DLEC1: variants seen among roughly 807,000 people sequenced by gnomAD.
DLEC1 encodes deleted in lung and esophageal cancer protein 1.
DLEC1 carries 146 observed loss-of-function variants against 198.1 expected under a neutral mutation model. The observed-to-expected ratio is 0.74, with a 90% CI of 0.64 to 0.85. The LOEUF (loss-of-function observed/expected upper bound fraction) is 0.85, where lower values mean the gene tolerates loss of function less well. Ranked by LOEUF, DLEC1 falls within the 40% of genes least tolerant of loss-of-function variation. The pLI is 0.00. For synonymous variants in DLEC1, 897 were observed against 866.8 expected (o/e 1.03, Z -0.61); for missense variants, 2,233 against 2,220.0 (o/e 1.01, Z -0.12).
chr3:38,081,864 C>T (rs1241738788), intron 6 of DLEC1, among the ~76,000 whole-genome samples: 5 of 144,472 alleles, frequency 3.5e-5, no homozygotes, highest in Admixed American at 6.7e-5. Context: ...ACCTCCCTCC[C>T]GGATGGGGCG....
At chr3:38,088,661 A>G (rs1270772065) in intron 10 of DLEC1, among the ~76,000 whole-genome samples, 1 of 152,114 alleles carries the variant, frequency 6.6e-6, no homozygotes, top group South Asian at 2.1e-4. Flanking sequence ...ACCTCCACCA[A>G]TGTCCAAGCT....
chr3:38,067,597 G>A (rs1328615122), intron 6 of DLEC1, among the ~76,000 whole-genome samples: 1 of 152,122 alleles, frequency 6.6e-6, no homozygotes, highest in African/African-American at 2.4e-5. Flanking sequence ...TAAAAGTTGG[G>A]GTTGATGCTG....
chr3:38,122,606 AG>A lies in DLEC1; in HGVS notation c.*196del. Reference sequence around the variant, plus strand: ...TGATATGTCCTCAGAGCTAACATAAAGGACAGGCCACACCACAGCAGAGACC... The same window carrying A: ...TGATATGTCCTCAGAGCTAACATAAAGACAGGCCACACCACAGCAGAGACC... On this transcript the variant is annotated 3_prime_UTR_variant, in exon 37 of 37. Transcript: ENST00000308059. The A allele has an allele frequency of 7.0e-6, 11 of 1,567,194 alleles. No individual in the cohort carries two copies. Among genetic ancestry groups the A allele is most frequent in the Non-Finnish European group, 8.6e-6 (10 of 1,160,562 alleles).
chr3:38,063,930 T>G lies in DLEC1; in HGVS notation c.1173+11T>G, dbSNP rs1174564373. The G allele has an allele frequency of 6.3e-7, 1 of 1,598,462 alleles. No homozygotes were observed. Among genetic ancestry groups the G allele is most frequent in the Non-Finnish European group, 8.6e-7 (1 of 1,167,154 alleles). ...GGTCCAGTTTATGAGGTAGACATCT[T>G]GTTTCTTTACAGCTCCCACCCCATC... On this transcript the variant is annotated intron_variant, in intron 6 of 36. Coordinates refer to ENST00000308059, the MANE Select transcript of DLEC1 (RefSeq NM_007335.4).
Position 38,096,673 on chromosome 3 carries a change from A to C in DLEC1, c.2276A>C (p.Glu759Ala). The change falls in exon 15 of 37, where the codon GAG becomes GCG. Residue 759 changes from glutamate to alanine, a missense_variant. Physicochemically the swap from Glu to Ala is moderately radical, Grantham distance 107. Transcript: ENST00000308059. ...GTAGAACCTTTCCAGGTTCTCTTAG[A>C]GCCATATGCCCTCATCATCCCAGGG... ...GSVEPFQVLL[E>A]PYALIIPGEN... is the part of the protein sequence containing the mutation. 1 of 1,613,528 alleles carries C rather than the reference A, an allele frequency of 6.2e-7. No homozygotes were observed.
At chr3:38,103,047 T>A (rs1017146634) in intron 19 of DLEC1, 7 of 152,206 alleles carry the variant, frequency 4.6e-5, no homozygotes, top group African/African-American at 1.7e-4. Flanking sequence ...GTGCGTAGAT[T>A]ATATAGTGGT....
intron 10 of DLEC1, 44 bp downstream of exon 10, chr3:38,088,432 T>C: frequency 6.4e-7 from 1 of 1,557,652 alleles, no homozygotes; most frequent in Non-Finnish European, 8.8e-7. Context: ...ACTGCTTGCA[T>C]GCTTGCATTT....
At position 38,109,499 on chromosome 3, in the gene DLEC1, T is replaced by C; in HGVS notation, c.3197T>C (p.Ile1066Thr). Residue 1066 changes from isoleucine (I) to threonine (T), a missense_variant, in exon 22 of 37, where the codon ATT becomes ACT. By Grantham distance (89) the Ile-to-Thr change is moderately conservative. Transcript: ENST00000308059. ...ATGAAGAAGCCACTGGTTCTAGGCATTTCTGGGAAGCCCCAGGGACTGCAA... is the reference window on the plus strand; with the variant it reads ...ATGAAGAAGCCACTGGTTCTAGGCACTTCTGGGAAGCCCCAGGGACTGCAA... ...SGMKKPLVLG[I>T]SGKPQGLQVA... 5 of 1,614,198 alleles carry C rather than the reference T, an allele frequency of 3.1e-6. No homozygotes were observed. Among genetic ancestry groups the C allele is most frequent in the Non-Finnish European group, 4.2e-6 (5 of 1,180,018 alleles).
intron 16 of DLEC1, 89 bp downstream of exon 16, chr3:38,097,364 C>T (rs2125698802): frequency 6.5e-7 from 1 of 1,538,028 alleles, no homozygotes; most frequent in Non-Finnish European, 8.8e-7. Context: ...ATGCAGGGCT[C>T]TTGGTGTCCT....
chr3:38,055,849 T>C (rs1696331831), intron 2 of DLEC1, among the ~76,000 whole-genome samples: 1 of 151,832 alleles, frequency 6.6e-6, no homozygotes, highest in African/African-American at 2.4e-5. Flanking sequence ...GAAGACGCTA[T>C]GGGAGAGCAT....
chr3:38,068,387 C>T (rs961761609), intron 6 of DLEC1, among the ~76,000 whole-genome samples: 1 of 152,188 alleles, frequency 6.6e-6, no homozygotes, highest in Non-Finnish European at 1.5e-5. Context: ...CAGGCCACCA[C>T]ACCTGGCTAA....
In DLEC1 at chr3:38,085,293, T is replaced by C. The variant is rs1254398164; in HGVS notation, c.1281T>C (p.Gly427=). The C allele has an allele frequency of 6.2e-7, 1 of 1,613,920 alleles. No homozygotes were observed. Among genetic ancestry groups the C allele is most frequent in the Non-Finnish European group, 8.5e-7 (1 of 1,179,978 alleles). Residue 427 remains glycine (G), a synonymous_variant, in exon 8 of 37, where the codon GGT becomes GGC. Coordinates refer to ENST00000308059, the MANE Select transcript of DLEC1 (RefSeq NM_007335.4). ...ALGLGMFPGK[G]GMVAPGMTCQ... ...GCACAGGGATGTTCCCAGGAAAAGG[T>C]GGAATGGTGGCTCCTGGAATGACCT...
chr3:38,077,014 A>T (rs886297616), intron 6 of DLEC1, among the ~76,000 whole-genome samples: 6 of 152,186 alleles, frequency 3.9e-5, no homozygotes, highest in African/African-American at 1.4e-4. Context: ...ATGAATTGAA[A>T]AACTAAATGG....
Position 38,039,450 on chromosome 3 carries a change from C to G in DLEC1, c.225C>G (p.Pro75=), listed in dbSNP as rs754255362. 6 of 1,613,934 alleles carry G rather than the reference C, an allele frequency of 3.7e-6. No individual in the cohort carries two copies. Among genetic ancestry groups the G allele is most frequent in the South Asian group, 3.3e-5 (3 of 91,080 alleles). The change falls in exon 1 of 37, where the codon CCC becomes CCG. Residue 75 remains proline, a synonymous_variant. Transcript: ENST00000308059. ...CGCAGCTTGCGCTGGCGCAGCGTCCCGAGCCTCAGCTGCTTCGTCTGCGCC... is the reference window on the plus strand; with the variant it reads ...CGCAGCTTGCGCTGGCGCAGCGTCCGGAGCCTCAGCTGCTTCGTCTGCGCC... ...RLTQLALAQR[P]EPQLLRLRPS... is the part of the protein sequence containing the mutation.
intron 2 of DLEC1, among the ~76,000 whole-genome samples, chr3:38,052,586 G>C (rs369523737): frequency 5.3e-5 from 8 of 152,200 alleles, no homozygotes; most frequent in African/African-American, 1.9e-4. Flanking sequence ...AAGTTGTGGC[G>C]CAGAGCTGAA....
At chr3:38,059,113 C>G (rs561907634) in intron 2 of DLEC1, among the ~76,000 whole-genome samples, 13 of 152,304 alleles carry the variant, frequency 8.5e-5, no homozygotes, top group Non-Finnish European at 1.8e-4. Flanking sequence ...ATCTGCAGGT[C>G]AGTGGGGAAT....
intron 1 of DLEC1, among the ~76,000 whole-genome samples, chr3:38,040,691 T>C (rs763421764): frequency 2.6e-5 from 4 of 152,294 alleles, no homozygotes; most frequent in African/African-American, 9.6e-5. Flanking sequence ...AGCCAGAATA[T>C]ATGGAGCATT....
At position 38,123,020 on chromosome 3, in the gene DLEC1, C is replaced by T. The variant is rs759612257; in HGVS notation, c.*608C>T. The stretch of plus-strand genomic sequence containing the variant: ...GCTGCTAGAGCAGCAGGACTGTCTG[C>T]GTAGCGCCTCCAGCCTGGGACCTCA... On this transcript the variant is annotated 3_prime_UTR_variant, in exon 37 of 37. Transcript: ENST00000308059. The T allele has an allele frequency of 5.0e-6, 8 of 1,612,026 alleles. No homozygotes were observed. Among genetic ancestry groups the T allele is most frequent in the South Asian group, 4.4e-5 (4 of 91,052 alleles).
chr3:38,114,979 C>G lies in DLEC1; in HGVS notation c.3786-4C>G. On this transcript the variant is annotated splice_polypyrimidine_tract_variant and splice_region_variant and intron_variant, in intron 26 of 36. Coordinates refer to ENST00000308059, the MANE Select transcript of DLEC1 (RefSeq NM_007335.4). ...TGTACTGAGTCCAGTCTGTCCCCCT[C>G]CAGGTTCGGCACCCAGGTCTCCGGA... is the stretch of plus-strand genomic sequence containing the variant. 6.2e-7 allele frequency: 1 copy of G among 1,613,132 alleles called. No individual in the cohort carries two copies. The highest frequency in any genetic ancestry group is 1.7e-4 in the Middle Eastern group (1 of 6,060).
Sources: gnomAD v4.1 joint callset for allele counts (sites outside exome capture counted in the v4.1 genomes callset) on GRCh38, gnomAD v4.1.1 for gene constraint, MANE v1.5 for transcripts, NCBI Gene and HGNC (gene_info 2026-07-23, HGNC 2026-07-21) for gene names.